The following FNDC3B variants were observed in gnomAD, a reference collection of about 807,000 sequenced individuals.
The protein encoded by FNDC3B is fibronectin type III domain-containing protein 3B.
Under a neutral mutation model 151.5 loss-of-function variants are expected in FNDC3B, and 12 were observed. That is an observed-to-expected ratio of 0.08 (90% CI 0.05 to 0.13). The LOEUF (loss-of-function observed/expected upper bound fraction) is 0.13. Among genes scored for constraint, FNDC3B ranks in the 10% least tolerant of loss-of-function variants. The pLI is 1.00. For synonymous variants in FNDC3B, 528 were observed against 549.0 expected, an observed-to-expected ratio of 0.96 and a Z score of 0.54; for missense variants, 1,214 against 1,505.3, an observed-to-expected ratio of 0.81 and a Z score of 3.20.
At chr3:172,227,538 T>C (rs1221648392) in intron 4 of FNDC3B, among the ~76,000 whole-genome samples, 2 of 152,224 alleles carry the variant, frequency 1.3e-5, no homozygotes, top group African/African-American at 2.4e-5. Flanking sequence ...GATGAAGTTA[T>C]GTTCCTGTAC....
At chr3:172,206,315 G>A (rs536645796) in intron 3 of FNDC3B, among the ~76,000 whole-genome samples, 9 of 152,266 alleles carry the variant, frequency 5.9e-5, no homozygotes, top group Admixed American at 2.6e-4. Context: ...ATGGTTTTGC[G>A]TGAATAATGT....
chr3:172,355,295 CA>C (rs1234372985), intron 22 of FNDC3B, among the ~76,000 whole-genome samples: 1 of 152,128 alleles, frequency 6.6e-6, no homozygotes, highest in Non-Finnish European at 1.5e-5. Flanking sequence ...TGAGCATCTT[CA>C]GTGACAGGGG....
At chr3:172,196,244 A>T (rs1218244346) in intron 3 of FNDC3B, among the ~76,000 whole-genome samples, 1 of 152,142 alleles carries the variant, frequency 6.6e-6, no homozygotes, top group South Asian at 2.1e-4. Context: ...CTGGAATTCA[A>T]TGGTGTAATC....
intron 3 of FNDC3B, among the ~76,000 whole-genome samples, chr3:172,147,949 T>C (rs1262139350): frequency 1.3e-5 from 2 of 152,126 alleles, no homozygotes; most frequent in Non-Finnish European, 2.9e-5. Flanking sequence ...ATTTATAAGC[T>C]CAAAGATAGA....
At chr3:172,124,306 G>A (rs1435337722) in intron 2 of FNDC3B, among the ~76,000 whole-genome samples, 1 of 152,184 alleles carries the variant, frequency 6.6e-6, no homozygotes, top group Non-Finnish European at 1.5e-5. Context: ...GGCCAGTCTG[G>A]TCTCGAAGTC....
At position 172,314,774 on chromosome 3, in the gene FNDC3B, C is replaced by T. The variant is rs533297355; in HGVS notation, c.1254+3893C>T. Among the ~76,000 whole-genome samples the T allele has an allele frequency of 3.9e-5, 6 of 152,260 alleles. No homozygotes were observed. In the South Asian group the frequency reaches 1.2e-3, roughly 32 times the overall value. ...AGTTGACCTTCATGGGAAGATCCAC[C>T]TTAATCAGCAGCTAACTATATGCTG... On this transcript the variant is annotated intron_variant, in intron 11 of 25. Transcript: ENST00000415807.
At chr3:172,285,242 G>A (rs1729949644) in intron 6 of FNDC3B, among the ~76,000 whole-genome samples, 1 of 152,064 alleles carries the variant, frequency 6.6e-6, no homozygotes, top group Non-Finnish European at 1.5e-5. Context: ...AACTAGTCCT[G>A]TCTCACTGTC....
At chr3:172,169,540 G>A (rs746976305) in intron 3 of FNDC3B, among the ~76,000 whole-genome samples, 32 of 152,220 alleles carry the variant, frequency 2.1e-4, no homozygotes, top group Non-Finnish European at 4.0e-4. Context: ...GTGGAGATGA[G>A]TCAGACTTCC....
Position 172,295,851 on chromosome 3 carries a change from G to A in FNDC3B, c.1001+337G>A, listed in dbSNP as rs980567196. ...TACATTGGGCGATTATAAGGTGACCGCTTATGTTTTAGATCCAGACCTTTT... is the reference window on the plus strand; with the variant it reads ...TACATTGGGCGATTATAAGGTGACCACTTATGTTTTAGATCCAGACCTTTT... On this transcript the variant is annotated intron_variant, in intron 8 of 25. Transcript: ENST00000415807. 7.9e-5 allele frequency among the ~76,000 whole-genome samples: 12 copies of A among 152,332 alleles called. No individual in the cohort carries two copies. In the East Asian group the frequency reaches 1.3e-3, roughly 17 times the overall value.
chr3:172,273,896 C>T (rs570372099), intron 6 of FNDC3B, among the ~76,000 whole-genome samples: 15 of 152,274 alleles, frequency 9.9e-5, no homozygotes, highest in Non-Finnish European at 1.6e-4. Flanking sequence ...CAGGTGGTGC[C>T]GCACAACAAA....
At chr3:172,206,821 C>T (rs569362740) in intron 3 of FNDC3B, among the ~76,000 whole-genome samples, 1 of 152,120 alleles carries the variant, frequency 6.6e-6, no homozygotes, top group African/African-American at 2.4e-5. Flanking sequence ...ATTGTATTGA[C>T]CACATGAAAC....
intron 6 of FNDC3B, among the ~76,000 whole-genome samples, chr3:172,259,611 T>TC (rs753153890): frequency 6.6e-6 from 1 of 152,214 alleles, no homozygotes; most frequent in African/African-American, 2.4e-5. Context: ...ATGATTTTTT[T>TC]CCCTCTTACT....
chr3:172,081,330 C>T (rs1718270108), intron 1 of FNDC3B, among the ~76,000 whole-genome samples: 1 of 139,492 alleles, frequency 7.2e-6, no homozygotes, highest in Non-Finnish European at 1.6e-5. Flanking sequence ...CTCAGTAGCT[C>T]TCTGATTTTT....
intron 1 of FNDC3B, among the ~76,000 whole-genome samples, chr3:172,064,514 C>T (rs533436053): frequency 2.3e-4 from 35 of 152,260 alleles, no homozygotes; most frequent in Middle Eastern, 3.4e-3. Context: ...TTGTAAGAAA[C>T]GGTTGGCTAA....
chr3:172,059,778 C>CT, intron 1 of FNDC3B, among the ~76,000 whole-genome samples: 1 of 152,176 alleles, frequency 6.6e-6, no homozygotes, highest in African/African-American at 2.4e-5. Flanking sequence ...CATAATGATA[C>CT]TTTTTTCCAG....
In FNDC3B at chr3:172,300,464, AT is replaced by A. The variant is rs35029681; in HGVS notation, c.1061+1687del. ...TACCATCCTGTCTGTTGTTCCATTT[AT>A]TTTTTTTTTAAACCCTTATTACAAA... is the stretch of plus-strand genomic sequence containing the variant. On this transcript the variant is annotated intron_variant, in intron 9 of 25. Transcript: ENST00000415807. Among the ~76,000 whole-genome samples, 749 of 150,960 alleles carry A rather than the reference AT, an allele frequency of 5.0e-3. 11 individuals carry two copies. Among genetic ancestry groups the A allele is most frequent in the African/African-American group, 0.017 (684 of 41,224 alleles).
At chr3:172,389,586 G>T (rs12497429) in intron 25 of FNDC3B, among the ~76,000 whole-genome samples, 26 of 152,142 alleles carry the variant, frequency 1.7e-4, no homozygotes, top group Middle Eastern at 3.4e-3. Flanking sequence ...GTTCACGTGT[G>T]GGGGGGTGGC....
chr3:172,120,015 A>G (rs1382193155), intron 2 of FNDC3B, among the ~76,000 whole-genome samples: 4 of 152,208 alleles, frequency 2.6e-5, no homozygotes, highest in African/African-American at 4.8e-5. Flanking sequence ...GCTCACTACA[A>G]AAGCTTCCAA....
intron 1 of FNDC3B, among the ~76,000 whole-genome samples, chr3:172,082,729 G>A (rs1718346205): frequency 6.6e-6 from 1 of 152,304 alleles, no homozygotes; most frequent in South Asian, 2.1e-4. Flanking sequence ...AGAGAAGTTT[G>A]ACTTAATGTG....
Sources: allele counts gnomAD v4.1 joint callset (sites outside exome capture counted in the v4.1 genomes callset), GRCh38; gene constraint gnomAD v4.1.1; transcripts MANE v1.5; gene names NCBI Gene and HGNC (gene_info 2026-07-23, HGNC 2026-07-21).